Variants in NRXN1 observed in about 807,000 individuals in gnomAD.
NRXN1 encodes the protein neurexin 1, also known as neurexin-1.
Under a neutral mutation model 150.9 loss-of-function variants are expected in NRXN1, and 39 were observed. That is an observed-to-expected ratio of 0.26 (90% CI 0.20 to 0.34). NRXN1 has a LOEUF of 0.34. Ranked by LOEUF, NRXN1 falls within the 10% of genes least tolerant of loss-of-function variation. The pLI is 1.00. For missense variants in NRXN1, 1,815 were observed against 1,949.9 expected, an observed-to-expected ratio of 0.93 and a Z score of 1.30; for synonymous variants, 924 against 757.0, an observed-to-expected ratio of 1.22 and a Z score of -3.62.
At chr2:50,117,177 A>G (rs1703182765) in intron 18 of NRXN1, among the ~76,000 whole-genome samples, 1 of 152,140 alleles carries the variant, frequency 6.6e-6, no homozygotes, top group Non-Finnish European at 1.5e-5. Flanking sequence ...ATATGTTAAA[A>G]CATTTTCAGC....
chr2:50,591,885 A>G (rs891284503), intron 8 of NRXN1, among the ~76,000 whole-genome samples: 1 of 152,188 alleles, frequency 6.6e-6, no homozygotes, highest in African/African-American at 2.4e-5. Flanking sequence ...TTCCCACAAA[A>G]TTACTACATG....
At chr2:50,465,049 C>A (rs2088672828) in intron 17 of NRXN1, among the ~76,000 whole-genome samples, 1 of 151,450 alleles carries the variant, frequency 6.6e-6, no homozygotes, top group African/African-American at 2.4e-5. Flanking sequence ...AAAAATGAGA[C>A]CTGTAACCAT....
At chr2:50,237,023 T>C (rs1026316403) in intron 17 of NRXN1, 53 bp from the exon 18 acceptor site, 22 of 1,536,994 alleles carry the variant, frequency 1.4e-5, no homozygotes, top group Non-Finnish European at 1.7e-5. Flanking sequence ...GTCTGCACAT[T>C]AGCAAGGCAT....
chr2:50,850,499 T>C (rs2105973865), intron 5 of NRXN1, among the ~76,000 whole-genome samples: 1 of 152,286 alleles, frequency 6.6e-6, no homozygotes, highest in African/African-American at 2.4e-5. Flanking sequence ...TCAGTCACAG[T>C]AGGCTCAGAG....
At chr2:50,266,684 C>T (rs184435497) in intron 17 of NRXN1, among the ~76,000 whole-genome samples, 1 of 151,944 alleles carries the variant, frequency 6.6e-6, no homozygotes, top group African/African-American at 2.4e-5. Context: ...CTGGCCAAGG[C>T]AAACTCTGAC....
At chr2:50,906,506 T>C (rs1171382531) in intron 5 of NRXN1, among the ~76,000 whole-genome samples, 1 of 152,154 alleles carries the variant, frequency 6.6e-6, no homozygotes, top group Non-Finnish European at 1.5e-5. Context: ...TGTAAGCTTC[T>C]GGTATCTTTC....
At chr2:50,702,741 G>A (rs1210135735) in intron 5 of NRXN1, among the ~76,000 whole-genome samples, 4 of 151,978 alleles carry the variant, frequency 2.6e-5, no homozygotes, top group Non-Finnish European at 4.4e-5. Flanking sequence ...TTAAAACACT[G>A]TATCGAATAT....
At chr2:49,991,552 T>C (rs1235736202) in intron 21 of NRXN1, among the ~76,000 whole-genome samples, 1 of 152,190 alleles carries the variant, frequency 6.6e-6, no homozygotes, top group East Asian at 1.9e-4. Context: ...AGTTTTCTTC[T>C]ATATAAGGAG....
rs1010689036 is a variant in NRXN1 at position 50,253,922 on chromosome 2, G to C, written c.3365-16952C>G. On this transcript the variant is annotated intron_variant, in intron 17 of 22. Transcript: ENST00000401669. ...AGGTTTTGATGTCAGGATAATGCTG[G>C]CCCCATAAAATGAGTTAGGGAGAAG... Among the ~76,000 whole-genome samples the C allele has an allele frequency of 1.1e-4, 17 of 150,440 alleles. 2 individuals carry two copies. The highest frequency in any genetic ancestry group is 4.3e-4 in the African/African-American group (17 of 39,848).
chr2:50,330,713 G>A (rs1176488717), intron 17 of NRXN1, among the ~76,000 whole-genome samples: 1 of 152,304 alleles, frequency 6.6e-6, no homozygotes, highest in Non-Finnish European at 1.5e-5. Context: ...CCAACTATAA[G>A]TGGAAAACTT....
chr2:50,423,200 C>T (rs928208880), intron 17 of NRXN1, among the ~76,000 whole-genome samples: 1 of 152,118 alleles, frequency 6.6e-6, no homozygotes, highest in African/African-American at 2.4e-5. Context: ...TATCATCAAA[C>T]CTGTGGTTCT....
At chr2:50,330,182 T>A (rs933849627) in intron 17 of NRXN1, among the ~76,000 whole-genome samples, 6 of 152,190 alleles carry the variant, frequency 3.9e-5, no homozygotes, top group Non-Finnish European at 7.4e-5. Flanking sequence ...TATTTTTTTT[T>A]AAATGATTAA....
At chr2:50,612,787 G>A (rs1678403037) in intron 8 of NRXN1, among the ~76,000 whole-genome samples, 1 of 152,182 alleles carries the variant, frequency 6.6e-6, no homozygotes, top group Non-Finnish European at 1.5e-5. Context: ...TCACAGCCAT[G>A]TGTTCTGTTG....
At chr2:50,458,183 A>G (rs2087775076) in intron 17 of NRXN1, among the ~76,000 whole-genome samples, 1 of 152,134 alleles carries the variant, frequency 6.6e-6, no homozygotes, top group Admixed American at 6.6e-5. Context: ...CCAGGCTCAG[A>G]AAGACAAATA....
chr2:50,681,462 G>T (rs1690396094), intron 5 of NRXN1, among the ~76,000 whole-genome samples: 1 of 152,130 alleles, frequency 6.6e-6, no homozygotes, highest in African/African-American at 2.4e-5. Flanking sequence ...TGTCTTGGAG[G>T]ACAGGAGCAA....
At chr2:50,632,145 A>C (rs1389996022) in intron 5 of NRXN1, among the ~76,000 whole-genome samples, 2 of 152,024 alleles carry the variant, frequency 1.3e-5, no homozygotes, top group Non-Finnish European at 2.9e-5. Context: ...AAATCATCTT[A>C]TTACCGACTT....
chr2:50,022,908 A>G (rs958934597), intron 21 of NRXN1: 42 of 152,168 alleles, frequency 2.8e-4, no homozygotes, highest in African/African-American at 9.7e-4. Context: ...AGCTTCTAGG[A>G]AGACTGAATT....
intron 5 of NRXN1, among the ~76,000 whole-genome samples, chr2:50,884,393 G>GA (rs1316864686): frequency 6.6e-6 from 1 of 151,666 alleles, no homozygotes; most frequent in Non-Finnish European, 1.5e-5. Context: ...TACTTAAAAT[G>GA]AACTTGAGAA....
chr2:50,686,723 A>G (rs1213794330), intron 5 of NRXN1, among the ~76,000 whole-genome samples: 1 of 152,322 alleles, frequency 6.6e-6, no homozygotes, highest in Non-Finnish European at 1.5e-5. Flanking sequence ...GGAAAGTACA[A>G]TAGCGTTAAA....
Sources: allele counts gnomAD v4.1 joint callset (sites outside exome capture counted in the v4.1 genomes callset), GRCh38; gene constraint gnomAD v4.1.1; transcripts MANE v1.5; gene names NCBI Gene and HGNC (gene_info 2026-07-23, HGNC 2026-07-21).